Variants in KCND2 observed in about 807,000 individuals in gnomAD.
The protein encoded by KCND2 is potassium voltage-gated channel subfamily D member 2.
In KCND2, 16 loss-of-function variants were observed where a neutral mutation model predicts 54.4. The ratio of observed to expected loss-of-function variants is 0.29; its 90% CI spans 0.20 to 0.45. The LOEUF is 0.45. KCND2 is among the 20% of genes least tolerant of loss of function. The pLI, the probability that KCND2 is intolerant of heterozygous loss-of-function variation, is 1.00. For missense variants in KCND2, 486 were observed against 824.2 expected (o/e 0.59, Z 5.02); for synonymous variants, 317 against 310.7 (o/e 1.02, Z -0.21).
In KCND2 at chr7:120,560,647, C is replaced by A. The variant is rs755445364; in HGVS notation, c.1116-172256C>A. On this transcript the variant is annotated intron_variant, in intron 1 of 5. Coordinates refer to ENST00000331113, the MANE Select transcript of KCND2 (RefSeq NM_012281.3). Reference sequence around the variant, plus strand: ...TTGCAGAATTCAATTTAAAGAGCTACCTTCCATAAAATTCTGTCTACCGGC... The same window carrying A: ...TTGCAGAATTCAATTTAAAGAGCTAACTTCCATAAAATTCTGTCTACCGGC... Among the ~76,000 whole-genome samples, 8 of 152,278 alleles carry A rather than the reference C, an allele frequency of 5.3e-5. No individual in the cohort carries two copies. In the East Asian group the frequency reaches 1.5e-3, roughly 29 times the overall value.
At chr7:120,535,330 T>A (rs773176176) in intron 1 of KCND2, among the ~76,000 whole-genome samples, 21 of 152,146 alleles carry the variant, frequency 1.4e-4, no homozygotes, top group Admixed American at 5.2e-4. Context: ...TGCCTACCAT[T>A]TCATTACAGT....
intron 1 of KCND2, among the ~76,000 whole-genome samples, chr7:120,385,318 A>G (rs1374390200): frequency 2.6e-5 from 4 of 151,954 alleles, no homozygotes; most frequent in African/African-American, 9.7e-5. Flanking sequence ...TTTAAAGCAT[A>G]AATCCCATCA....
At chr7:120,343,903 G>A (rs1323595119) in intron 1 of KCND2, among the ~76,000 whole-genome samples, 1 of 149,424 alleles carries the variant, frequency 6.7e-6, no homozygotes, top group Non-Finnish European at 1.5e-5. Context: ...CCATGAAAAG[G>A]TTTAGCACCA....
chr7:120,717,125 T>G (rs1227649990), intron 1 of KCND2, among the ~76,000 whole-genome samples: 1 of 152,106 alleles, frequency 6.6e-6, no homozygotes, highest in Non-Finnish European at 1.5e-5. Context: ...AATACCTACA[T>G]CATGAGATGA....
At chr7:120,442,683 A>G (rs1331161926) in intron 1 of KCND2, among the ~76,000 whole-genome samples, 1 of 152,126 alleles carries the variant, frequency 6.6e-6, no homozygotes, top group Non-Finnish European at 1.5e-5. Flanking sequence ...AGTCACACAA[A>G]AACATTTTCC....
At chr7:120,579,447 C>A (rs1792484403) in intron 1 of KCND2, among the ~76,000 whole-genome samples, 1 of 151,430 alleles carries the variant, frequency 6.6e-6, no homozygotes, top group East Asian at 1.9e-4. Flanking sequence ...ACTAAAAATA[C>A]AAAAATTAGC....
At chr7:120,656,857 A>G (rs551484068) in intron 1 of KCND2, among the ~76,000 whole-genome samples, 4 of 152,256 alleles carry the variant, frequency 2.6e-5, no homozygotes, top group Admixed American at 6.5e-5. Flanking sequence ...AATGACTAGG[A>G]GGTGTATAAA....
rs529183388 is a variant in KCND2 at position 120,616,523 on chromosome 7, T to C, written c.1116-116380T>C. 9.8e-5 allele frequency among the ~76,000 whole-genome samples: 15 copies of C among 152,328 alleles called. No individual in the cohort carries two copies. The South Asian group carries it at 2.7e-3, about 27-fold the overall frequency. Reference sequence around the variant, plus strand: ...TCAACAAACTCTTCAAACCTATTCATGTACTTCATATTAAGAACCACTCAC... The same window carrying C: ...TCAACAAACTCTTCAAACCTATTCACGTACTTCATATTAAGAACCACTCAC... On this transcript the variant is annotated intron_variant, in intron 1 of 5. Transcript: ENST00000331113.
intron 1 of KCND2, among the ~76,000 whole-genome samples, chr7:120,389,598 G>T (rs1347833311): frequency 2.6e-5 from 4 of 151,040 alleles, no homozygotes; most frequent in African/African-American, 7.3e-5. Flanking sequence ...TAAGGTTTTT[G>T]GTTTGTTTGT....
intron 1 of KCND2, among the ~76,000 whole-genome samples, chr7:120,547,559 TG>T (rs1465811595): frequency 1.3e-5 from 2 of 152,036 alleles, no homozygotes; most frequent in Non-Finnish European, 2.9e-5. Context: ...AATTTCTCTC[TG>T]TTGTTGCTAT....
intron 1 of KCND2, among the ~76,000 whole-genome samples, chr7:120,538,382 T>G (rs924256341): frequency 1.3e-5 from 2 of 152,138 alleles, no homozygotes; most frequent in African/African-American, 2.4e-5. Context: ...ATTTTAAAAT[T>G]TATAATGTCA....
chr7:120,633,435 T>G (rs1203534591), intron 1 of KCND2, among the ~76,000 whole-genome samples: 1 of 152,160 alleles, frequency 6.6e-6, no homozygotes, highest in Non-Finnish European at 1.5e-5. Flanking sequence ...AGGCCAGCAT[T>G]TAGTGGATGG....
At position 120,363,997 on chromosome 7, in the gene KCND2, C is replaced by G. The variant is rs1172101900; in HGVS notation, c.1115+88250C>G. Among the ~76,000 whole-genome samples, 5 of 152,226 alleles carry G rather than the reference C, an allele frequency of 3.3e-5. No homozygotes were observed. The East Asian group carries it at 9.7e-4, about 29-fold the overall frequency. The stretch of plus-strand genomic sequence containing the variant: ...TGGCTTAATCTCATCCTTTAAGTGT[C>G]TGGTTTGCCACTCTGTTTAATCCTC... On this transcript the variant is annotated intron_variant, in intron 1 of 5. Coordinates refer to ENST00000331113, the MANE Select transcript of KCND2 (RefSeq NM_012281.3).
At chr7:120,733,189 T>A in intron 2 of KCND2, 124 bp downstream of exon 2, 1 of 873,264 alleles carries the variant, frequency 1.1e-6, no homozygotes, top group Non-Finnish European at 1.9e-6. Flanking sequence ...CAGGACCGAG[T>A]AGGTTATTCT....
chr7:120,571,240 T>TA (rs1792362062), intron 1 of KCND2, among the ~76,000 whole-genome samples: 1 of 152,228 alleles, frequency 6.6e-6, no homozygotes, highest in South Asian at 2.1e-4. Flanking sequence ...TATCCATTGA[T>TA]CTAATTTTAA....
At chr7:120,321,135 G>A (rs192316597) in intron 1 of KCND2, among the ~76,000 whole-genome samples, 1 of 151,992 alleles carries the variant, frequency 6.6e-6, no homozygotes, top group African/African-American at 2.4e-5. Context: ...TGTAGGCATT[G>A]TATATATATC....
intron 1 of KCND2, among the ~76,000 whole-genome samples, chr7:120,691,398 G>C (rs1004149112): frequency 1.3e-5 from 2 of 152,152 alleles, no homozygotes; most frequent in Non-Finnish European, 2.9e-5. Context: ...GGAAATGTAG[G>C]GAAGAGATTG....
intron 1 of KCND2, among the ~76,000 whole-genome samples, chr7:120,335,487 A>G (rs1018533269): frequency 1.4e-5 from 2 of 140,604 alleles, no homozygotes; most frequent in African/African-American, 5.3e-5. Context: ...TTATTTATTT[A>G]TTTATTTATT....
chr7:120,697,364 A>G (rs1792344893), intron 1 of KCND2, among the ~76,000 whole-genome samples: 1 of 152,144 alleles, frequency 6.6e-6, no homozygotes, highest in Non-Finnish European at 1.5e-5. Flanking sequence ...TTTTAGATTT[A>G]TCTAGGTATG....
Sources: gnomAD v4.1 joint callset for allele counts (sites outside exome capture counted in the v4.1 genomes callset) on GRCh38, gnomAD v4.1.1 for gene constraint, MANE v1.5 for transcripts, NCBI Gene and HGNC (gene_info 2026-07-23, HGNC 2026-07-21) for gene names.